The following ADCY9 variants were observed in gnomAD, a reference collection of about 807,000 sequenced individuals.
ADCY9 encodes adenylate cyclase 9.
Under a neutral mutation model 101.5 loss-of-function variants are expected in ADCY9, and 50 were observed. The ratio of observed to expected loss-of-function variants is 0.49; its 90% CI spans 0.39 to 0.62. The LOEUF is 0.62. Ranked by LOEUF, ADCY9 falls within the 20% of genes least tolerant of loss-of-function variation. The pLI is 0.00. For missense variants in ADCY9, 1,662 were observed against 1,800.4 expected (o/e 0.92, Z 1.39); for synonymous variants, 905 against 769.3 (o/e 1.18, Z -2.92).
At chr16:4,077,460 T>C (rs2056874934) in intron 2 of ADCY9, among the ~76,000 whole-genome samples, 1 of 152,064 alleles carries the variant, frequency 6.6e-6, no homozygotes, top group African/African-American at 2.4e-5. Context: ...TTTATTATGA[T>C]TATTTCCTGC....
chr16:3,977,966 C>G (rs1372042141), intron 8 of ADCY9, among the ~76,000 whole-genome samples: 2 of 152,214 alleles, frequency 1.3e-5, no homozygotes, highest in Admixed American at 1.3e-4. Context: ...ATCCACCTGC[C>G]TCGGCCTCTC....
In ADCY9 at chr16:3,992,419, G is replaced by T. The variant is rs905324019; in HGVS notation, c.1990-56C>A. The T allele has an allele frequency of 1.4e-5, 22 of 1,517,422 alleles. No homozygotes were observed. In the African/African-American group the frequency reaches 2.7e-4, roughly 19 times the overall value. 94.0% of individuals were successfully genotyped at this position (1,517,422 alleles called of 1,614,324 possible). The stretch of plus-strand genomic sequence containing the variant: ...GGAAGTGAAGTGGCACCGGGCACTG[G>T]GCACACACGCCTGTCCCACCCCGAC... On this transcript the variant is annotated intron_variant, in intron 4 of 10. Transcript: ENST00000294016. This position sits in a 1 kb window ranked among gnomAD's most constrained non-coding sequence, Gnocchi z 4.2.
At chr16:4,025,641 G>A (rs2056509895) in intron 2 of ADCY9, among the ~76,000 whole-genome samples, 1 of 152,210 alleles carries the variant, frequency 6.6e-6, no homozygotes, top group South Asian at 2.1e-4. Flanking sequence ...GGGTGTGGCA[G>A]GGCGGAGGTC....
intron 2 of ADCY9, among the ~76,000 whole-genome samples, chr16:4,091,980 T>C (rs2056976422): frequency 6.6e-6 from 1 of 152,116 alleles, no homozygotes; most frequent in Admixed American, 6.6e-5. Context: ...CAATTAAAAA[T>C]AAAGCAGGCT....
intron 2 of ADCY9, among the ~76,000 whole-genome samples, chr16:4,033,792 G>T (rs918225723): frequency 2.6e-5 from 4 of 152,130 alleles, no homozygotes; most frequent in Non-Finnish European, 4.4e-5. Context: ...TCCTGTGAAG[G>T]CTTAAGCAAT....
rs568488494 is a variant in ADCY9 at position 3,980,790 on chromosome 16, G to C, written c.2520-1515C>G. On this transcript the variant is annotated intron_variant, in intron 7 of 10. Transcript: ENST00000294016. ...ATGCAGAATACAGAGGCCCTAGGAG[G>C]GGGGACAGAGGGAACCAAGTTCCCA... 1.3e-4 allele frequency among the ~76,000 whole-genome samples: 20 copies of C among 152,334 alleles called. No individual in the cohort carries two copies. The East Asian group carries it at 1.3e-3, about 10-fold the overall frequency.
At position 3,983,223 on chromosome 16, in the gene ADCY9, G is replaced by A. The variant is rs1267493927; in HGVS notation, c.2519+9C>T. 28 of 1,545,944 alleles carry A rather than the reference G, an allele frequency of 1.8e-5. No individual in the cohort carries two copies. Among genetic ancestry groups the A allele is most frequent in the Middle Eastern group, 1.9e-4 (1 of 5,284 alleles). On this transcript the variant is annotated intron_variant, in intron 7 of 10. Coordinates refer to ENST00000294016, the MANE Select transcript of ADCY9 (RefSeq NM_001116.4). Reference sequence around the variant, plus strand: ...TCAGAGCTGGAGACCCAGTCCACGCGGCGCTTACCTGATGGACACCGCGAG... The same window carrying A: ...TCAGAGCTGGAGACCCAGTCCACGCAGCGCTTACCTGATGGACACCGCGAG...
intron 8 of ADCY9, among the ~76,000 whole-genome samples, chr16:3,978,357 C>T (rs1433163102): frequency 6.6e-6 from 1 of 152,220 alleles, no homozygotes; most frequent in Non-Finnish European, 1.5e-5. Flanking sequence ...TGCTCACTTG[C>T]ACCAGAAGGA....
chr16:3,955,842 C>G (rs1483902095), intron 5 of ADCY9, among the ~76,000 whole-genome samples: 1 of 149,320 alleles, frequency 6.7e-6, no homozygotes, highest in African/African-American at 2.5e-5. Context: ...AGCCACCACA[C>G]CTGGCCAAAA....
At chr16:4,052,081 C>A (rs8046563) in intron 2 of ADCY9, among the ~76,000 whole-genome samples, 2,026 of 152,286 alleles carry the variant, frequency 0.013, 32 homozygotes, top group African/African-American at 0.046. Flanking sequence ...GACAACCCTG[C>A]AGGGACTCTC....
rs990623303 is a variant in ADCY9, at chr16:3,963,233, T to C, written c.*2542A>G. 5.3e-5 allele frequency: 21 copies of C among 394,576 alleles called. No individual in the cohort carries two copies. The highest frequency in any genetic ancestry group is 3.3e-4 in the African/African-American group (16 of 48,150). 24.4% of individuals were successfully genotyped at this position (394,576 alleles called of 1,614,324 possible). On this transcript the variant is annotated 3_prime_UTR_variant, in exon 11 of 11. Transcript: ENST00000294016. ...TTTACACACATTCAATGCTGAAGTATTGCTTCCTGCCCTAAGTTCCTAAGA... is the reference window on the plus strand; with the variant it reads ...TTTACACACATTCAATGCTGAAGTACTGCTTCCTGCCCTAAGTTCCTAAGA...
chr16:4,020,965 G>A (rs1357661688), intron 2 of ADCY9, among the ~76,000 whole-genome samples: 1 of 152,102 alleles, frequency 6.6e-6, no homozygotes, highest in African/African-American at 2.4e-5. Flanking sequence ...ATGAGATACT[G>A]GTTCACAACT....
chr16:4,030,039 G>A (rs1454510890), intron 2 of ADCY9, among the ~76,000 whole-genome samples: 1 of 152,118 alleles, frequency 6.6e-6, no homozygotes, highest in Non-Finnish European at 1.5e-5. Flanking sequence ...CTCTGCTGAC[G>A]GGTATGAGGT....
intron 2 of ADCY9, among the ~76,000 whole-genome samples, chr16:4,083,111 C>G (rs1286261708): frequency 6.6e-6 from 1 of 152,206 alleles, no homozygotes; most frequent in African/African-American, 2.4e-5. Context: ...TTAATCAACC[C>G]TGGAACTGCC....
downstream of ADCY9, among the ~76,000 whole-genome samples, chr16:3,959,697 C>A (rs1389558151): frequency 6.6e-6 from 1 of 152,126 alleles, no homozygotes; most frequent in Non-Finnish European, 1.5e-5. Flanking sequence ...AGATAACTCA[C>A]ACATTAAATT....
intron 2 of ADCY9, among the ~76,000 whole-genome samples, chr16:4,097,487 T>TATATATATATACACACACACAC (rs76750792): frequency 1.1e-3 from 83 of 72,438 alleles, no homozygotes; most frequent in Non-Finnish European, 1.5e-3. Context: ...TATATATATA[T>TATATATATATACACACACACAC]ACACACACAC....
intron 2 of ADCY9, among the ~76,000 whole-genome samples, chr16:4,034,863 G>A (rs2056579217): frequency 6.6e-6 from 1 of 152,202 alleles, no homozygotes; most frequent in South Asian, 2.1e-4. Context: ...TTGCCGGCTG[G>A]AAGCAAGACC....
Position 4,114,117 on chromosome 16 carries a change from T to C in ADCY9, c.1326A>G (p.Gly442=). Residue 442 remains glycine, a synonymous_variant, in exon 2 of 11, where the codon GGA becomes GGG. Coordinates refer to ENST00000294016, the MANE Select transcript of ADCY9 (RefSeq NM_001116.4). The surrounding 1 kb of genome is among the most constrained non-coding windows in gnomAD (Gnocchi z 4.3). ...ETKCEKISTL[G]DCYYCVAGCP... The stretch of plus-strand genomic sequence containing the variant: ...AGCCCGCCACGCAGTAGTAACAGTC[T>C]CCCAGGGTGCTGATTTTCTCACACT... The C allele has an allele frequency of 1.2e-6, 2 of 1,613,816 alleles. No homozygotes were observed. The highest frequency in any genetic ancestry group is 2.2e-5 in the South Asian group (2 of 91,082).
At chr16:4,112,322 T>G (rs1193955445) in intron 2 of ADCY9, among the ~76,000 whole-genome samples, 1 of 152,230 alleles carries the variant, frequency 6.6e-6, no homozygotes, top group African/African-American at 2.4e-5. Flanking sequence ...AGGGGAATTC[T>G]CGGGTGAAAA....
Sources: allele counts gnomAD v4.1 joint callset (sites outside exome capture counted in the v4.1 genomes callset), GRCh38; gene constraint gnomAD v4.1.1; non-coding constraint Gnocchi (gnomAD v3.1); transcripts MANE v1.5; gene names NCBI Gene and HGNC (gene_info 2026-07-23, HGNC 2026-07-21).